The following SUMF1 variants were observed in gnomAD, a reference collection of about 807,000 sequenced individuals.
The protein encoded by SUMF1 is formylglycine-generating enzyme.
SUMF1 carries 48 observed loss-of-function variants against 47.6 expected under a neutral mutation model. The ratio of observed to expected loss-of-function variants is 1.01; its 90% confidence interval spans 0.80 to 1.28. SUMF1 has a LOEUF of 1.28. SUMF1 is among the 50% of genes most tolerant of loss of function. The probability of loss-of-function intolerance (pLI) is 0.00; values close to 1 mark genes in which losing one functional copy is unlikely to be tolerated. For missense variants in SUMF1, 571 were observed against 485.4 expected, an observed-to-expected ratio of 1.18 and a Z score of -1.66; for synonymous variants, 230 against 192.1, an observed-to-expected ratio of 1.20 and a Z score of -1.63.
At chr3:4,281,646 A>G (rs1051936391) in intron 8 of SUMF1, among the ~76,000 whole-genome samples, 1 of 152,210 alleles carries the variant, frequency 6.6e-6, no homozygotes, top group African/African-American at 2.4e-5. Flanking sequence ...AGTAACAATT[A>G]GAAAGGTTTA....
intron 8 of SUMF1, among the ~76,000 whole-genome samples, chr3:4,182,273 G>T (rs961628234): frequency 6.6e-6 from 1 of 151,816 alleles, no homozygotes; most frequent in Non-Finnish European, 1.5e-5. Flanking sequence ...AAAATATTAT[G>T]CCTATTCCTA....
rs189064601 is a variant in SUMF1, at chr3:4,131,712, A to T, written c.1015-62967T>A. Among the ~76,000 whole-genome samples the T allele has an allele frequency of 3.7e-4, 56 of 152,096 alleles. 2 individuals carry two copies. In the East Asian group the frequency reaches 0.011, roughly 29 times the overall value. On this transcript the variant is annotated intron_variant and NMD_transcript_variant, in intron 8 of 12. Transcript: ENST00000448413. ...ATTTGGGGAAGAGGTACGTGGATGA[A>T]CCTCTCTGAGTAGTCAAAAACTAAA...
At position 4,272,674 on chromosome 3, in the gene SUMF1, A is replaced by C. The variant is rs1023945638; in HGVS notation, c.1014+103656T>G. Reference sequence around the variant, plus strand: ...ACTGTTTCTTAAAAAACACAGTGGCAAAAAGTGTAACTAATCTTGCAATGA... The same window carrying C: ...ACTGTTTCTTAAAAAACACAGTGGCCAAAAGTGTAACTAATCTTGCAATGA... On this transcript the variant is annotated intron_variant and NMD_transcript_variant, in intron 8 of 12. Coordinates refer to the SUMF1 transcript ENST00000448413. 7.2e-5 allele frequency among the ~76,000 whole-genome samples: 11 copies of C among 152,344 alleles called. 2 individuals carry two copies. The highest frequency in any genetic ancestry group is 6.5e-5 in the Admixed American group (1 of 15,308).
In SUMF1 at chr3:4,115,611, AC is replaced by A. The variant is rs1241806853; in HGVS notation, c.1015-46867del. Among the ~76,000 whole-genome samples the A allele has an allele frequency of 2.6e-5, 4 of 151,968 alleles. No homozygotes were observed. In the East Asian group the frequency reaches 7.7e-4, roughly 29 times the overall value. On this transcript the variant is annotated intron_variant and NMD_transcript_variant, in intron 8 of 12. Coordinates refer to the SUMF1 transcript ENST00000448413. ...CCTCCGACGGGTTTGGGCGAGCCAC[AC>A]CCGCATCGCACCCTCTGCGAGGGGG...
chr3:4,184,979 T>C (rs894902541), intron 8 of SUMF1, among the ~76,000 whole-genome samples: 5 of 152,134 alleles, frequency 3.3e-5, no homozygotes, highest in Non-Finnish European at 5.9e-5. Context: ...GTCTCCAAAA[T>C]GCTCTGTGTA....
At chr3:4,235,748 T>C (rs1486478082) in intron 8 of SUMF1, among the ~76,000 whole-genome samples, 3 of 152,048 alleles carry the variant, frequency 2.0e-5, no homozygotes, top group African/African-American at 4.8e-5. Flanking sequence ...TCAGGAAAAC[T>C]ATCTGCTGAT....
At position 4,105,678 on chromosome 3, in the gene SUMF1, G is replaced by C. The variant is rs115123362; in HGVS notation, c.1015-36933C>G. ...TATCTGTCTCTTCATTTGAATGTCT[G>C]TTTGGGGAACTAAAATTTTTTTGTT... On this transcript the variant is annotated intron_variant and NMD_transcript_variant, in intron 8 of 12. Coordinates refer to the SUMF1 transcript ENST00000448413. Among the ~76,000 whole-genome samples, 222 of 152,170 alleles carry C rather than the reference G, an allele frequency of 1.5e-3. 1 individual carries two copies. The highest frequency in any genetic ancestry group is 2.6e-3 in the Non-Finnish European group (178 of 68,020).
chr3:4,061,340 A>G (rs1476011184), intron 9 of SUMF1, among the ~76,000 whole-genome samples: 1 of 152,128 alleles, frequency 6.6e-6, no homozygotes, highest in African/African-American at 2.4e-5. Flanking sequence ...ACTAAAACTT[A>G]CCAGACACCA....
intron 8 of SUMF1, among the ~76,000 whole-genome samples, chr3:4,297,752 A>C (rs1697883203): frequency 6.6e-6 from 1 of 151,980 alleles, no homozygotes; most frequent in African/African-American, 2.4e-5. Flanking sequence ...AAATGCTAAC[A>C]AATATGTAAG....
intron 7 of SUMF1, among the ~76,000 whole-genome samples, chr3:4,392,678 G>C (rs886993795): frequency 6.6e-6 from 1 of 151,192 alleles, no homozygotes; most frequent in South Asian, 2.1e-4. Context: ...GAGCGAGAGA[G>C]AGAGCACATG....
At chr3:4,308,569 G>A (rs540181276) in intron 8 of SUMF1, among the ~76,000 whole-genome samples, 1 of 152,160 alleles carries the variant, frequency 6.6e-6, no homozygotes, top group Admixed American at 6.5e-5. Flanking sequence ...CCAAATGTGG[G>A]TATTATCCTT....
intron 7 of SUMF1, among the ~76,000 whole-genome samples, chr3:4,378,558 G>A (rs983686684): frequency 1.3e-5 from 2 of 152,156 alleles, no homozygotes; most frequent in African/African-American, 2.4e-5. Flanking sequence ...CACTGCAAAC[G>A]TGAAAAGCTA....
intron 8 of SUMF1, among the ~76,000 whole-genome samples, chr3:4,162,916 A>AAG (rs1287839869): frequency 6.6e-6 from 1 of 151,428 alleles, no homozygotes. Context: ...AAAAAAAAAA[A>AAG]GGTTTTGAAA....
intron 1 of SUMF1, among the ~76,000 whole-genome samples, chr3:4,459,835 C>T (rs942046328): frequency 1.3e-5 from 2 of 152,158 alleles, no homozygotes; most frequent in African/African-American, 4.8e-5. Context: ...AGTCATCTAT[C>T]TTCCATTCAA....
intron 8 of SUMF1, among the ~76,000 whole-genome samples, chr3:4,238,301 AT>A (rs1696456492): frequency 6.6e-6 from 1 of 152,096 alleles, no homozygotes; most frequent in South Asian, 2.1e-4. Context: ...CAGTAACGGG[AT>A]TGCTGGGTCA....
Position 4,444,770 on chromosome 3 carries a change from G to C in SUMF1, c.519+4496C>G, listed in dbSNP as rs559028582. 5.8e-4 allele frequency among the ~76,000 whole-genome samples: 89 copies of C among 152,302 alleles called. 2 individuals are homozygous for C. In the South Asian group the frequency reaches 0.018, roughly 30 times the overall value. On this transcript the variant is annotated intron_variant, in intron 3 of 8. Transcript: ENST00000272902. ...ATACTCATTTTGGCATTTTATCTCA[G>C]TCTGTCCACTGCAGAGGCCTAGAAA...
chr3:4,193,341 T>C lies in SUMF1; in HGVS notation c.1015-124596A>G, dbSNP rs140991210. On this transcript the variant is annotated intron_variant and NMD_transcript_variant, in intron 8 of 12. Coordinates refer to the SUMF1 transcript ENST00000448413. ...TGATTGATGGCCTTTATAATAAGAC[T>C]GTAAGTGTAGCACTTTCCTGAATTT... Among the ~76,000 whole-genome samples, 841 of 152,286 alleles carry C rather than the reference T, an allele frequency of 5.5e-3. 3 individuals are homozygous for C. The highest frequency in any genetic ancestry group is 8.2e-3 in the Non-Finnish European group (560 of 68,018).
At chr3:4,178,052 G>A (rs114622400) in intron 8 of SUMF1, among the ~76,000 whole-genome samples, 4,770 of 152,146 alleles carry the variant, frequency 0.031, 268 homozygotes, top group African/African-American at 0.11. Context: ...ATAGTTAAGA[G>A]CCTACCAGCC....
chr3:4,194,369 A>C (rs1372644356), intron 8 of SUMF1, among the ~76,000 whole-genome samples: 1 of 152,128 alleles, frequency 6.6e-6, no homozygotes, highest in Non-Finnish European at 1.5e-5. Flanking sequence ...AAGTCCGCTT[A>C]ATTCTAAGTG....
Sources: gnomAD v4.1 joint callset for allele counts (sites outside exome capture counted in the v4.1 genomes callset) on GRCh38, gnomAD v4.1.1 for gene constraint, MANE v1.5 for transcripts, NCBI Gene and HGNC (gene_info 2026-07-23, HGNC 2026-07-21) for gene names.